ADGRL2: variants seen among roughly 807,000 people sequenced by gnomAD.
ADGRL2 encodes calcium-independent alpha-latrotoxin receptor 2.
A neutral mutation model predicts 157.4 loss-of-function variants in ADGRL2; 44 were observed. The ratio of observed to expected loss-of-function variants is 0.28; its 90% CI spans 0.22 to 0.36. ADGRL2 has a LOEUF of 0.36. ADGRL2 is among the 10% of genes least tolerant of loss of function. The pLI is 1.00. For missense variants in ADGRL2, 1,510 were observed against 1,768.9 expected (o/e 0.85, Z 2.63); for synonymous variants, 585 against 624.7 (o/e 0.94, Z 0.95).
At chr1:81,986,872 T>G in intron 21 of ADGRL2, 29 bp from the exon 22 acceptor site, 1 of 1,588,900 alleles carries the variant, frequency 6.3e-7, no homozygotes, top group East Asian at 2.2e-5. Flanking sequence ...TTTTCTCTGT[T>G]TTTTTGTTGT....
At chr1:81,789,581 C>A (rs1295943826) in intron 2 of ADGRL2, among the ~76,000 whole-genome samples, 2 of 151,264 alleles carry the variant, frequency 1.3e-5, no homozygotes, top group African/African-American at 2.4e-5. Flanking sequence ...CAAAAATTAG[C>A]TGTGTGTGGT....
At chr1:81,911,861 G>T (rs1355127327) in intron 3 of ADGRL2, among the ~76,000 whole-genome samples, 1 of 150,640 alleles carries the variant, frequency 6.6e-6, no homozygotes, top group African/African-American at 2.4e-5. Flanking sequence ...GTATAAAATA[G>T]GCCCCCTGCC....
chr1:81,631,839 G>T (rs2082016280), intron 3 of ADGRL2, among the ~76,000 whole-genome samples: 3 of 151,970 alleles, frequency 2.0e-5, no homozygotes, highest in Non-Finnish European at 4.4e-5. Context: ...ACACACTGGA[G>T]CATTTCCTTG....
At chr1:81,475,312 A>G (rs575880290) in intron 2 of ADGRL2, among the ~76,000 whole-genome samples, 1 of 152,134 alleles carries the variant, frequency 6.6e-6, no homozygotes, top group African/African-American at 2.4e-5. Flanking sequence ...TGCATGCATA[A>G]TCAGCTACTC....
At chr1:81,696,621 G>A (rs1439257625), upstream of ADGRL2, among the ~76,000 whole-genome samples, 4 of 151,968 alleles carry the variant, frequency 2.6e-5, no homozygotes, top group Admixed American at 6.6e-5. Flanking sequence ...GTGTGGTGGC[G>A]GGCGCCTGTA....
At chr1:81,345,699 G>A (rs1220001369) in intron 1 of ADGRL2, among the ~76,000 whole-genome samples, 1 of 152,084 alleles carries the variant, frequency 6.6e-6, no homozygotes, top group Non-Finnish European at 1.5e-5. Context: ...GAATTATTTT[G>A]TGAAAGAATG....
intron 2 of ADGRL2, among the ~76,000 whole-genome samples, chr1:81,570,535 T>C (rs1160171831): frequency 6.6e-6 from 1 of 152,012 alleles, no homozygotes; most frequent in Admixed American, 6.6e-5. Context: ...GCTACAGGCG[T>C]GTGCCACCAC....
chr1:81,602,109 CTACT>C (rs958195240), intron 3 of ADGRL2, among the ~76,000 whole-genome samples: 3 of 137,626 alleles, frequency 2.2e-5, no homozygotes, highest in African/African-American at 5.1e-5. Context: ...ATAGATTCTG[CTACT>C]TAAACAAAAA....
Position 81,842,135 on chromosome 1 carries a change from G to A in ADGRL2, c.73+5078G>A, listed in dbSNP as rs535049325. Among the ~76,000 whole-genome samples, 9 of 152,024 alleles carry A rather than the reference G, an allele frequency of 5.9e-5. No homozygotes were observed. In the South Asian group the frequency reaches 1.3e-3, roughly 21 times the overall value. ...ATTCTATGTGCTTAGGGGTGGTTGT[G>A]GTGAGGGTAGGGGTGCATGGGTGTA... On this transcript the variant is annotated intron_variant, in intron 2 of 23. Transcript: ENST00000686636.
chr1:81,736,217 A>C (rs1357058452), intron 1 of ADGRL2, among the ~76,000 whole-genome samples: 2 of 150,986 alleles, frequency 1.3e-5, no homozygotes, highest in African/African-American at 2.4e-5. Context: ...ATGATGCTGT[A>C]CTGAACTGGC....
chr1:81,869,142 G>A (rs2093626996), intron 2 of ADGRL2, among the ~76,000 whole-genome samples: 1 of 152,042 alleles, frequency 6.6e-6, no homozygotes, highest in Admixed American at 6.6e-5. Context: ...TGTGCAACCT[G>A]GATGAATGTT....
At chr1:81,384,724 T>C (rs2076404687) in intron 1 of ADGRL2, among the ~76,000 whole-genome samples, 2 of 152,130 alleles carry the variant, frequency 1.3e-5, no homozygotes, top group Admixed American at 6.5e-5. Flanking sequence ...ATTTAGAAGA[T>C]TTAGAACACT....
chr1:81,857,251 A>G (rs924924473), intron 2 of ADGRL2, among the ~76,000 whole-genome samples: 4 of 152,238 alleles, frequency 2.6e-5, no homozygotes, highest in African/African-American at 7.2e-5. Context: ...TTCAATTTGC[A>G]TAATAATGGA....
intron 3 of ADGRL2, among the ~76,000 whole-genome samples, chr1:81,597,494 C>G (rs746597845): frequency 1.6e-4 from 24 of 152,160 alleles, no homozygotes; most frequent in Non-Finnish European, 2.8e-4. Context: ...TAGTGTTTCA[C>G]AATTTTCAAA....
intron 2 of ADGRL2, among the ~76,000 whole-genome samples, chr1:81,578,710 C>A (rs1054717777): frequency 2.6e-5 from 4 of 152,034 alleles, no homozygotes; most frequent in African/African-American, 9.7e-5. Flanking sequence ...GTGAAAACAA[C>A]AAACAACAAA....
At chr1:81,439,815 A>G (rs2077474690) in intron 1 of ADGRL2, among the ~76,000 whole-genome samples, 1 of 152,258 alleles carries the variant, frequency 6.6e-6, no homozygotes, top group South Asian at 2.1e-4. Context: ...CTGGTGTGAC[A>G]GCCTTTCTTG....
At chr1:81,596,132 AT>A (rs2081228867) in intron 3 of ADGRL2, 3 of 419,378 alleles carry the variant, frequency 7.2e-6, no homozygotes, top group Non-Finnish European at 1.4e-5. Flanking sequence ...CTGGTAATCA[AT>A]TTATTAAAAT....
intron 2 of ADGRL2, among the ~76,000 whole-genome samples, chr1:81,511,834 A>G (rs1210195463): frequency 6.6e-6 from 1 of 152,114 alleles, no homozygotes; most frequent in Non-Finnish European, 1.5e-5. Flanking sequence ...AAGTGTCAAG[A>G]TAGGCCTTAG....
At chr1:81,592,841 TTA>T (rs1557489404) in intron 3 of ADGRL2, among the ~76,000 whole-genome samples, 1 of 151,974 alleles carries the variant, frequency 6.6e-6, no homozygotes. Flanking sequence ...TTCATATTCC[TTA>T]TATCAGTAAA....
Sources: gnomAD v4.1 joint callset for allele counts (sites outside exome capture counted in the v4.1 genomes callset) on GRCh38, gnomAD v4.1.1 for gene constraint, MANE v1.5 for transcripts, NCBI Gene and HGNC (gene_info 2026-07-23, HGNC 2026-07-21) for gene names.